The following LRP1B variants were observed in gnomAD, a reference collection of about 807,000 sequenced individuals.
LRP1B encodes low-density lipoprotein receptor-related protein 1B.
A neutral mutation model predicts 556.6 loss-of-function variants in LRP1B; 217 were observed. The observed-to-expected ratio is 0.39, with a 90% CI of 0.35 to 0.44. The LOEUF is 0.44. Ranked by LOEUF, LRP1B falls within the 20% of genes least tolerant of loss-of-function variation. The probability of loss-of-function intolerance (pLI) is 1.00; values close to 1 mark genes in which losing one functional copy is unlikely to be tolerated. For missense variants in LRP1B, 5,053 were observed against 5,620.8 expected (o/e 0.90, Z 3.23); for synonymous variants, 2,047 against 1,865.8 (o/e 1.10, Z -2.50).
chr2:140,542,162 C>T (rs1022760780), intron 43 of LRP1B, among the ~76,000 whole-genome samples, 191 bp from the exon 44 acceptor site: 1 of 148,272 alleles, frequency 6.7e-6, no homozygotes, highest in African/African-American at 2.5e-5. Flanking sequence ...ATGTTGTAGT[C>T]ATTGTTAGTG....
At chr2:141,786,936 A>G (rs1321921955) in intron 2 of LRP1B, among the ~76,000 whole-genome samples, 1 of 151,946 alleles carries the variant, frequency 6.6e-6, no homozygotes, top group Non-Finnish European at 1.5e-5. Flanking sequence ...GATATGGTGA[A>G]TTATATTGAG....
intron 1 of LRP1B, among the ~76,000 whole-genome samples, chr2:142,012,772 G>A (rs116794309): frequency 1.3e-5 from 2 of 152,088 alleles, no homozygotes; most frequent in Non-Finnish European, 1.5e-5. Context: ...GACCAAAATA[G>A]AATGTTCAGG....
At chr2:141,079,301 GACAGCAA>G (rs1238968191) in intron 7 of LRP1B, among the ~76,000 whole-genome samples, 1 of 152,100 alleles carries the variant, frequency 6.6e-6, no homozygotes, top group Non-Finnish European at 1.5e-5. Flanking sequence ...AAACACAAAT[GACAGCAA>G]TAACAACACT....
rs1680511401 is a variant in LRP1B at position 140,232,379 on chromosome 2, G to A, written c.*807C>T. ...AGATGCAAGTACCCAATGCCCTGTT[G>A]TGCTCTAGGCTGGCTATTTATCTCG... On this transcript the variant is annotated 3_prime_UTR_variant, in exon 91 of 91. Transcript: ENST00000389484. The A allele has an allele frequency of 6.6e-6, 1 of 151,472 alleles. No individual in the cohort carries two copies. Among genetic ancestry groups the A allele is most frequent in the Non-Finnish European group, 1.5e-5 (1 of 67,536 alleles). The allele number at this position is 151,472 out of a possible 1,614,324, so 9.4% of individuals were successfully genotyped here.
At chr2:140,349,685 A>T (rs998320938) in intron 77 of LRP1B, among the ~76,000 whole-genome samples, 4 of 152,102 alleles carry the variant, frequency 2.6e-5, no homozygotes, top group Non-Finnish European at 5.9e-5. Flanking sequence ...TACTCCATTC[A>T]TTAACAACAG....
chr2:141,896,836 A>G (rs114738686), intron 1 of LRP1B, among the ~76,000 whole-genome samples: 1 of 152,200 alleles, frequency 6.6e-6, no homozygotes, highest in Non-Finnish European at 1.5e-5. Context: ...CTAAAAATAG[A>G]TGATCGAAAT....
chr2:142,042,136 C>T (rs980154092), intron 1 of LRP1B, among the ~76,000 whole-genome samples: 17 of 151,324 alleles, frequency 1.1e-4, no homozygotes, highest in African/African-American at 3.4e-4. Flanking sequence ...ACGAAATAAA[C>T]GACTTTGGCC....
At chr2:140,704,153 G>A (rs969956425) in intron 37 of LRP1B, among the ~76,000 whole-genome samples, 2 of 151,872 alleles carry the variant, frequency 1.3e-5, no homozygotes, top group Non-Finnish European at 2.9e-5. Flanking sequence ...CTGCAGCCTC[G>A]TCAGGATATT....
At chr2:141,124,678 A>G (rs1471547677) in intron 7 of LRP1B, among the ~76,000 whole-genome samples, 1 of 143,454 alleles carries the variant, frequency 7.0e-6, no homozygotes, top group Non-Finnish European at 1.5e-5. Flanking sequence ...AAAAAAAAAA[A>G]AAGAAAAAAA....
In LRP1B at chr2:142,021,770, AAAT is replaced by A. The variant is rs765652048; in HGVS notation, c.82+108875_82+108877del. Among the ~76,000 whole-genome samples, 125 of 152,294 alleles carry A rather than the reference AAAT, an allele frequency of 8.2e-4. 1 individual carries two copies. The highest frequency in any genetic ancestry group is 1.6e-3 in the Non-Finnish European group (106 of 67,990). ...TAACAACAAAAGTATTCTACCTTTA[AAAT>A]AATAATAAAAAATTAACACAGCCTC... On this transcript the variant is annotated intron_variant, in intron 1 of 90. Transcript: ENST00000389484.
At chr2:140,321,845 A>G (rs557039200) in intron 82 of LRP1B, 118 bp downstream of exon 82, 1 of 946,204 alleles carries the variant, frequency 1.1e-6, no homozygotes, top group African/African-American at 1.7e-5. Context: ...TTCAAGAACC[A>G]CTGCTATCAA....
intron 1 of LRP1B, among the ~76,000 whole-genome samples, chr2:142,107,059 T>C (rs988446587): frequency 7.9e-5 from 12 of 152,098 alleles, no homozygotes; most frequent in Admixed American, 5.9e-4. Context: ...ATTTTATGAG[T>C]GAGTTCTGCT....
chr2:142,040,484 C>T lies in LRP1B; in HGVS notation c.82+90164G>A, dbSNP rs545119458. 6.6e-5 allele frequency among the ~76,000 whole-genome samples: 10 copies of T among 151,288 alleles called. No individual in the cohort carries two copies. The South Asian group carries it at 2.1e-3, about 31-fold the overall frequency. ...AATTTCCTCATCAGTTTTAATTCTG[C>T]CTCTATCATTTGGAGACTTATTCTT... On this transcript the variant is annotated intron_variant, in intron 1 of 90. Transcript: ENST00000389484.
chr2:142,103,876 G>T (rs1706652318), intron 1 of LRP1B, among the ~76,000 whole-genome samples: 1 of 152,022 alleles, frequency 6.6e-6, no homozygotes, highest in Non-Finnish European at 1.5e-5. Context: ...TAAATATTGT[G>T]CCAATCCAGG....
At chr2:141,709,266 C>T (rs1692265411) in intron 2 of LRP1B, among the ~76,000 whole-genome samples, 1 of 151,820 alleles carries the variant, frequency 6.6e-6, no homozygotes, top group African/African-American at 2.4e-5. Context: ...GGAGAATTGC[C>T]TGAACCTGGG....
At chr2:141,614,875 C>G (rs1688238476) in intron 2 of LRP1B, among the ~76,000 whole-genome samples, 1 of 152,162 alleles carries the variant, frequency 6.6e-6, no homozygotes, top group African/African-American at 2.4e-5. Context: ...CCCTAGCAAA[C>G]TAATATAAAT....
chr2:140,428,131 C>G (rs932472773), intron 66 of LRP1B, among the ~76,000 whole-genome samples: 3 of 152,156 alleles, frequency 2.0e-5, no homozygotes, highest in African/African-American at 7.2e-5. Context: ...AAAAAGCCGT[C>G]TTATTCTCAA....
At chr2:140,831,784 T>C (rs1691725708) in intron 31 of LRP1B, among the ~76,000 whole-genome samples, 1 of 152,116 alleles carries the variant, frequency 6.6e-6, no homozygotes, top group South Asian at 2.1e-4. Context: ...TGACAAGATA[T>C]CAATAACCAA....
chr2:141,651,893 G>A (rs939262978), intron 2 of LRP1B, among the ~76,000 whole-genome samples: 2 of 151,998 alleles, frequency 1.3e-5, no homozygotes, highest in Non-Finnish European at 1.5e-5. Flanking sequence ...ATATATTTGA[G>A]CACCTAAAGT....
Sources: gnomAD v4.1 joint callset for allele counts (sites outside exome capture counted in the v4.1 genomes callset) on GRCh38, gnomAD v4.1.1 for gene constraint, MANE v1.5 for transcripts, NCBI Gene and HGNC (gene_info 2026-07-23, HGNC 2026-07-21) for gene names.